Variants in GCNT4 observed in about 807,000 individuals in gnomAD.
The protein encoded by GCNT4 is beta-1,3-galactosyl-O-glycosyl-glycoprotein beta-1,6-N-acetylglucosaminyltransferase 4.
In GCNT4, 17 loss-of-function variants were observed where a neutral mutation model predicts 31.3. The observed-to-expected ratio is 0.54, with a 90% CI of 0.37 to 0.81. The LOEUF is 0.81. Ranked by LOEUF, GCNT4 falls within the 40% of genes least tolerant of loss-of-function variation. The probability of loss-of-function intolerance (pLI) is 0.00; values close to 1 mark genes in which losing one functional copy is unlikely to be tolerated. For missense variants in GCNT4, 503 were observed against 525.5 expected, an observed-to-expected ratio of 0.96 and a Z score of 0.42; for synonymous variants, 158 against 190.6, an observed-to-expected ratio of 0.83 and a Z score of 1.41.
chr5:75,034,963 CA>C (rs376409592), intron 3 of GCNT4, among the ~76,000 whole-genome samples: 18,050 of 133,824 alleles, frequency 0.13, 450 homozygotes, highest in African/African-American at 0.15. Flanking sequence ...CGACCGCATT[CA>C]GGGACACCCC....
At chr5:75,023,917 G>A (rs560041660), downstream of GCNT4, 4 of 152,208 alleles carry the variant, frequency 2.6e-5, no homozygotes, top group African/African-American at 4.8e-5. Context: ...CCAGGAGGGC[G>A]TGCTTTGCTG....
intron 3 of GCNT4, among the ~76,000 whole-genome samples, chr5:75,041,627 T>C (rs1421519691): frequency 1.3e-5 from 2 of 152,192 alleles, no homozygotes; most frequent in African/African-American, 4.8e-5. Flanking sequence ...CACATCAGGA[T>C]GTACATACCC....
At chr5:75,048,209 C>T (rs1743487043) in intron 2 of GCNT4, among the ~76,000 whole-genome samples, 172 bp from the exon 3 acceptor site, 1 of 152,112 alleles carries the variant, frequency 6.6e-6, no homozygotes, top group Non-Finnish European at 1.5e-5. Context: ...AAGATGCTCA[C>T]GTTATTATTA....
At chr5:75,032,221 C>A (rs1272991638) in intron 3 of GCNT4, among the ~76,000 whole-genome samples, 1 of 152,164 alleles carries the variant, frequency 6.6e-6, no homozygotes, top group East Asian at 1.9e-4. Context: ...CTTCTCTTCT[C>A]CTGCATACTT....
upstream of GCNT4, among the ~76,000 whole-genome samples, chr5:75,053,967 C>T (rs79165591): frequency 1.3e-3 from 196 of 152,236 alleles, 3 homozygotes; most frequent in East Asian, 0.032. Context: ...CTCCTTTTTT[C>T]TCCTTGAACG....
chr5:75,043,742 G>A (rs1369539103), intron 3 of GCNT4, among the ~76,000 whole-genome samples: 2 of 152,172 alleles, frequency 1.3e-5, no homozygotes, highest in Non-Finnish European at 2.9e-5. Context: ...ATATGTTTAA[G>A]CAACGTGCAC....
At chr5:75,048,649 T>C (rs901094357) in intron 2 of GCNT4, among the ~76,000 whole-genome samples, 9 of 152,206 alleles carry the variant, frequency 5.9e-5, no homozygotes, top group Admixed American at 2.0e-4. Context: ...CTTGTTTCTA[T>C]GAATAGTACC....
At chr5:75,045,937 T>C (rs1032877502) in intron 3 of GCNT4, among the ~76,000 whole-genome samples, 4 of 152,216 alleles carry the variant, frequency 2.6e-5, no homozygotes, top group Admixed American at 6.5e-5. Flanking sequence ...GAAATGTTTT[T>C]TTTTTACATT....
chr5:75,022,683 T>C (rs905745344), downstream of GCNT4, among the ~76,000 whole-genome samples: 2 of 152,146 alleles, frequency 1.3e-5, no homozygotes, highest in African/African-American at 4.8e-5. Context: ...TTGTGTAAGT[T>C]AGGGATCATG....
At chr5:75,052,761 G>C (rs1743607337), upstream of GCNT4, 1 of 152,186 alleles carries the variant, frequency 6.6e-6, no homozygotes, top group Non-Finnish European at 1.5e-5. Flanking sequence ...GCGGGGGCTC[G>C]GGCAGCATCG....
intron 2 of GCNT4, among the ~76,000 whole-genome samples, chr5:75,050,199 C>T (rs893078476): frequency 1.3e-5 from 2 of 152,208 alleles, no homozygotes; most frequent in Admixed American, 1.3e-4. Context: ...CCATGTTTCT[C>T]CTAAACATTA....
At chr5:75,038,710 T>C (rs910675881) in intron 3 of GCNT4, among the ~76,000 whole-genome samples, 9 of 152,232 alleles carry the variant, frequency 5.9e-5, no homozygotes, top group Non-Finnish European at 1.2e-4. Context: ...GCACTAGTCC[T>C]ATGCCTTAGG....
chr5:75,049,165 G>A (rs972728720), intron 2 of GCNT4, among the ~76,000 whole-genome samples: 8 of 152,144 alleles, frequency 5.3e-5, no homozygotes, highest in Non-Finnish European at 1.2e-4. Flanking sequence ...ATTTCATATC[G>A]CTTAGCAGAA....
intron 3 of GCNT4, among the ~76,000 whole-genome samples, chr5:75,042,770 T>C (rs1205075171): frequency 6.6e-6 from 1 of 152,218 alleles, no homozygotes; most frequent in African/African-American, 2.4e-5. Flanking sequence ...CTTCTGCACT[T>C]CCACTGAAAA....
chr5:75,048,580 T>C (rs1014610589), intron 2 of GCNT4, among the ~76,000 whole-genome samples: 2 of 152,202 alleles, frequency 1.3e-5, no homozygotes, highest in African/African-American at 4.8e-5. Context: ...ATCGTGCTCC[T>C]GGACAGCATG....
At chr5:75,035,684 A>G (rs1743180527) in intron 3 of GCNT4, among the ~76,000 whole-genome samples, 1 of 152,200 alleles carries the variant, frequency 6.6e-6, no homozygotes, top group Admixed American at 6.5e-5. Context: ...AGCTACCCCA[A>G]CGCTGGCGCT....
At chr5:75,049,266 A>C (rs1173545337) in intron 2 of GCNT4, among the ~76,000 whole-genome samples, 1 of 152,184 alleles carries the variant, frequency 6.6e-6, no homozygotes, top group Non-Finnish European at 1.5e-5. Context: ...CTGGCATCTT[A>C]TATGGTAGAC....
At chr5:75,044,084 G>C (rs78301836) in intron 3 of GCNT4, among the ~76,000 whole-genome samples, 14 of 152,258 alleles carry the variant, frequency 9.2e-5, no homozygotes, top group Middle Eastern at 3.4e-3. Context: ...CTCTGTGTAT[G>C]GTTTCTAGTC....
downstream of GCNT4, among the ~76,000 whole-genome samples, chr5:75,024,125 T>C (rs550757478): frequency 2.6e-5 from 4 of 152,308 alleles, no homozygotes; most frequent in South Asian, 8.3e-4. Context: ...ATCAGTTTCA[T>C]GTAACTAGAA....
Sources: gnomAD v4.1 joint callset for allele counts (sites outside exome capture counted in the v4.1 genomes callset) on GRCh38, gnomAD v4.1.1 for gene constraint, MANE v1.5 for transcripts, NCBI Gene and HGNC (gene_info 2026-07-23, HGNC 2026-07-21) for gene names.